ADAMTSL2: variants seen among roughly 807,000 people sequenced by gnomAD.
ADAMTSL2 encodes ADAMTS like 2.
In ADAMTSL2, 55 loss-of-function variants were observed where a neutral mutation model predicts 117.0. The observed-to-expected ratio is 0.47, with a 90% CI of 0.38 to 0.59. The LOEUF (loss-of-function observed/expected upper bound fraction) is 0.59. ADAMTSL2 is among the 20% of genes least tolerant of loss of function. The probability of loss-of-function intolerance (pLI) is 0.00; values close to 1 mark genes in which losing one functional copy is unlikely to be tolerated. For synonymous variants in ADAMTSL2, 572 were observed against 566.4 expected (o/e 1.01, Z -0.14); for missense variants, 1,182 against 1,354.5 (o/e 0.87, Z 2.00).
Position 133,575,232 on chromosome 9 carries a change from C to G in ADAMTSL2, c.*368C>G. ...TTGCTCCGGGCCCGTAGCCCACGCC[C>G]TCTCTGGGTGGCAGGGCCTTCTGAA... On this transcript the variant is annotated 3_prime_UTR_variant, in exon 19 of 19. Coordinates refer to ENST00000651351, the MANE Select transcript of ADAMTSL2 (RefSeq NM_014694.4). 3.5e-6 allele frequency: 1 copy of G among 288,134 alleles called. No individual in the cohort carries two copies. The highest frequency in any genetic ancestry group is 6.7e-6 in the Non-Finnish European group (1 of 149,660). 17.8% of individuals were successfully genotyped at this position (288,134 alleles called of 1,614,324 possible). A position where few individuals can be genotyped will look rare whatever the true frequency, so the allele number is the denominator to read the frequency against.
intron 7 of ADAMTSL2, among the ~76,000 whole-genome samples, chr9:133,543,548 G>A (rs567433704): frequency 1.6e-4 from 25 of 152,338 alleles, no homozygotes; most frequent in African/African-American, 5.1e-4. Context: ...ACGGCTGTCT[G>A]TGAGGGACAG....
At chr9:133,559,966 A>G (rs1830689901) in intron 11 of ADAMTSL2, among the ~76,000 whole-genome samples, 1 of 152,168 alleles carries the variant, frequency 6.6e-6, no homozygotes, top group African/African-American at 2.4e-5. Flanking sequence ...GTTCATCCCC[A>G]CAAATACTGC....
chr9:133,548,161 G>C (rs1448622782), intron 9 of ADAMTSL2, among the ~76,000 whole-genome samples: 1 of 152,246 alleles, frequency 6.6e-6, no homozygotes, highest in East Asian at 1.9e-4. Context: ...ATGAAATGTG[G>C]GCACAGAGCG....
chr9:133,556,618 C>T (rs1355601969), intron 11 of ADAMTSL2, among the ~76,000 whole-genome samples: 1 of 152,236 alleles, frequency 6.6e-6, no homozygotes, highest in Non-Finnish European at 1.5e-5. Flanking sequence ...TGGGGCCAGG[C>T]CTCCAGAGCC....
intron 10 of ADAMTSL2, 36 bp from the exon 11 acceptor site, chr9:133,555,522 A>G: frequency 6.2e-7 from 1 of 1,612,668 alleles, no homozygotes; most frequent in Non-Finnish European, 8.5e-7. Context: ...CAGGGCTCGG[A>G]TGTGCCCACG....
intron 11 of ADAMTSL2, among the ~76,000 whole-genome samples, chr9:133,559,086 G>T (rs1830670022): frequency 2.0e-5 from 3 of 152,206 alleles, no homozygotes; most frequent in African/African-American, 7.2e-5. Context: ...GTGGGGTGGA[G>T]GGGCATGGGT....
rs369426235 is a variant in ADAMTSL2, at chr9:133,537,598, C to T, written c.233+51C>T. ...AGGGGATGGCATGAGGGCAGGGTAGCGGGCAGGAGAGGGCGGTTGGCTCTT... is the reference window on the plus strand; with the variant it reads ...AGGGGATGGCATGAGGGCAGGGTAGTGGGCAGGAGAGGGCGGTTGGCTCTT... On this transcript the variant is annotated intron_variant, in intron 3 of 18. Transcript: ENST00000651351. 17 of 1,322,398 alleles carry T rather than the reference C, an allele frequency of 1.3e-5. No individual in the cohort carries two copies. In the Admixed American group the frequency reaches 2.1e-4, roughly 16 times the overall value. 81.9% of individuals were successfully genotyped at this position (1,322,398 alleles called of 1,614,324 possible). A position where few individuals can be genotyped will look rare whatever the true frequency, so the allele number is the denominator to read the frequency against.
At chr9:133,559,671 C>T (rs1484246780) in intron 11 of ADAMTSL2, among the ~76,000 whole-genome samples, 2 of 152,048 alleles carry the variant, frequency 1.3e-5, no homozygotes, top group Non-Finnish European at 2.9e-5. Context: ...ATTTTTAAAG[C>T]TTCCTCTAAG....
Position 133,561,304 on chromosome 9 carries a change from C to T in ADAMTSL2, c.1747+9C>T. 1 of 1,581,182 alleles carries T rather than the reference C, an allele frequency of 6.3e-7. No homozygotes were observed. The highest frequency in any genetic ancestry group is 8.6e-7 in the Non-Finnish European group (1 of 1,163,162). On this transcript the variant is annotated intron_variant, in intron 12 of 18. Coordinates refer to ENST00000651351, the MANE Select transcript of ADAMTSL2 (RefSeq NM_014694.4). ...TGCCACCTGCACCACAGGTACTGGT[C>T]ACGGGTGCCAAGGGGCAGCAACTGC...
upstream of ADAMTSL2, among the ~76,000 whole-genome samples, chr9:133,533,020 A>G (rs1460198830): frequency 1.3e-5 from 2 of 152,172 alleles, no homozygotes; most frequent in Admixed American, 1.3e-4. Context: ...GCTGGATGTG[A>G]GGCCACAAAC....
chr9:133,554,258 C>T lies in ADAMTSL2; in HGVS notation c.940-99C>T, dbSNP rs929824437. The T allele has an allele frequency of 2.9e-5, 33 of 1,136,856 alleles. No homozygotes were observed. The highest frequency in any genetic ancestry group is 4.7e-5 in the Admixed American group (2 of 43,010). 70.4% of individuals were successfully genotyped at this position (1,136,856 alleles called of 1,614,324 possible). A position where few individuals can be genotyped will look rare whatever the true frequency, so the allele number is the denominator to read the frequency against. On this transcript the variant is annotated intron_variant, in intron 9 of 18. Transcript: ENST00000651351. The surrounding 1 kb of genome is among the most constrained non-coding windows in gnomAD (Gnocchi z 5.2). ...CCTGAGGGGGCTCAACTGCCAGTCACAGCAGGGAACGCACCCTGCAGCTCT... is the reference window on the plus strand; with the variant it reads ...CCTGAGGGGGCTCAACTGCCAGTCATAGCAGGGAACGCACCCTGCAGCTCT...
At chr9:133,536,539 C>T (rs574275461) in intron 1 of ADAMTSL2, 24 bp from the exon 2 acceptor site, 20 of 1,538,272 alleles carry the variant, frequency 1.3e-5, no homozygotes, top group African/African-American at 1.2e-4. Context: ...TAGACTGAGG[C>T]GGGGGGTTCA....
Position 133,547,139 on chromosome 9 carries a change from C to T in ADAMTSL2, c.865C>T (p.Pro289Ser). The T allele has an allele frequency of 6.2e-7, 1 of 1,614,136 alleles. No homozygotes were observed. The highest frequency in any genetic ancestry group is 8.5e-7 in the Non-Finnish European group (1 of 1,179,996). Residue 289 changes from proline (P) to serine (S), a missense_variant, in exon 9 of 19, where the codon CCC becomes TCC. By Grantham distance (74) the Pro-to-Ser change is moderately conservative. Around this residue, in one of 3 missense-constraint regions of ADAMTSL2, gnomAD observed 372 missense variants for 463.4 expected, o/e 0.80. Coordinates refer to ENST00000651351, the MANE Select transcript of ADAMTSL2 (RefSeq NM_014694.4). ...IAGTVVKYRR[P>S]MDVYETGIEY... ...AGGCACGGTGGTCAAGTACAGGCGG[C>T]CCATGGATGTCTATGAGACCGGAAT...
chr9:133,543,999 G>A (rs1830288698), intron 7 of ADAMTSL2, among the ~76,000 whole-genome samples: 1 of 152,246 alleles, frequency 6.6e-6, no homozygotes, highest in South Asian at 2.1e-4. Context: ...GATTCTATCT[G>A]CAGCTCTCCT....
chr9:133,540,791 T>C (rs1564494579), intron 6 of ADAMTSL2, 48 bp downstream of exon 6: 2 of 1,613,358 alleles, frequency 1.2e-6, no homozygotes, highest in Non-Finnish European at 1.7e-6. Context: ...CTGTGCTGAC[T>C]GCCCGCCCGC....
At chr9:133,570,264 C>A in intron 16 of ADAMTSL2, 67 bp from the exon 17 acceptor site, 2 of 1,516,380 alleles carry the variant, frequency 1.3e-6, no homozygotes, top group Non-Finnish European at 1.8e-6. Flanking sequence ...CCAGAGTCGC[C>A]GTGGGCCCTG....
At chr9:133,564,235 A>G (rs1268999690) in intron 12 of ADAMTSL2, among the ~76,000 whole-genome samples, 2 of 80,774 alleles carry the variant, frequency 2.5e-5, no homozygotes, top group Non-Finnish European at 2.6e-5. Flanking sequence ...AGAGGGAGAG[A>G]GAGAGAGAAA....
chr9:133,544,891 G>A (rs1415184562), intron 8 of ADAMTSL2, among the ~76,000 whole-genome samples: 3 of 152,198 alleles, frequency 2.0e-5, no homozygotes, highest in African/African-American at 2.4e-5. Context: ...TGTGGGGTTC[G>A]AGGAGTGAGT....
chr9:133,559,553 C>A (rs1830681806), intron 11 of ADAMTSL2, among the ~76,000 whole-genome samples: 1 of 151,200 alleles, frequency 6.6e-6, no homozygotes, highest in African/African-American at 2.4e-5. Flanking sequence ...GGGGTTTCAC[C>A]ATGTCAGCCA....
Sources: gnomAD v4.1 joint callset for allele counts (sites outside exome capture counted in the v4.1 genomes callset) on GRCh38, gnomAD v4.1.1 for gene constraint, gnomAD v4.1.1 regional missense constraint, Gnocchi (gnomAD v3.1) non-coding constraint, MANE v1.5 for transcripts, NCBI Gene and HGNC (gene_info 2026-07-23, HGNC 2026-07-21) for gene names.